Variants in RAI2 observed in about 807,000 individuals in gnomAD.
RAI2 encodes the protein retinoic acid-induced protein 2.
RAI2 carries 5 observed loss-of-function variants against 15.3 expected under a neutral mutation model. The ratio of observed to expected loss-of-function variants is 0.33; its 90% confidence interval spans 0.17 to 0.69. The LOEUF (loss-of-function observed/expected upper bound fraction) is 0.69. Among genes scored for constraint, RAI2 ranks in the 30% least tolerant of loss-of-function variants. RAI2 has a pLI of 0.69. For missense variants in RAI2, 424 were observed against 424.7 expected, an observed-to-expected ratio of 1.00 and a Z score of 0.01; for synonymous variants, 191 against 184.0, an observed-to-expected ratio of 1.04 and a Z score of -0.31.
intron 1 of RAI2, among the ~76,000 whole-genome samples, 185 bp from the exon 2 acceptor site, chrX:17,802,219 G>C (rs917413972): frequency 1.8e-5 from 2 of 112,261 alleles, no homozygotes; most frequent in African/African-American, 6.5e-5. Context: ...ACATGATCCT[G>C]TGTGCGTGGA....
intron 1 of RAI2, among the ~76,000 whole-genome samples, chrX:17,850,401 G>A (rs1008764111): frequency 8.9e-6 from 1 of 112,610 alleles, no homozygotes; most frequent in Non-Finnish European, 1.9e-5. Context: ...AACCGGCAAT[G>A]GCGCTGACAT....
rs527628476 is a variant in RAI2 at position 17,814,934 on chromosome X, CTAA to C, written c.-24-12903_-24-12901del. Among the ~76,000 whole-genome samples, 756 of 106,135 alleles carry C rather than the reference CTAA, an allele frequency of 7.1e-3. 5 individuals carry two copies. The highest frequency in any genetic ancestry group is 0.022 in the African/African-American group (656 of 29,224). 92.2% of individuals were successfully genotyped at this position (106,135 alleles called of 115,157 possible). On this transcript the variant is annotated intron_variant, in intron 1 of 1. Transcript: ENST00000451717. ...CTTCACTTCATCAGCTGCATGCTGC[CTAA>C]TAATAATAATAATAATAATAATAAT...
At chrX:17,804,801 C>T (rs1452486453) in intron 1 of RAI2, among the ~76,000 whole-genome samples, 1 of 112,787 alleles carries the variant, frequency 8.9e-6, no homozygotes, top group Admixed American at 9.3e-5. Context: ...CTGCTCCTTG[C>T]ACACACCTTC....
intron 1 of RAI2, among the ~76,000 whole-genome samples, chrX:17,852,062 G>GCAACC (rs2067542376): frequency 8.9e-6 from 1 of 111,810 alleles, no homozygotes; most frequent in Non-Finnish European, 1.9e-5. Flanking sequence ...CCAGATTTAT[G>GCAACC]ATCCTATTTC....
intron 1 of RAI2, among the ~76,000 whole-genome samples, chrX:17,846,183 T>C (rs1337672320): frequency 1.8e-5 from 2 of 112,357 alleles, no homozygotes; most frequent in Non-Finnish European, 3.8e-5. Flanking sequence ...CAGGTGGAAG[T>C]AAATCTCCAC....
chrX:17,810,672 C>T (rs1438502633), intron 1 of RAI2, among the ~76,000 whole-genome samples: 2 of 110,881 alleles, frequency 1.8e-5, no homozygotes, highest in Non-Finnish European at 3.8e-5. Flanking sequence ...AGTGGGAGCA[C>T]CAAGGAGGAA....
chrX:17,859,665 G>T (rs1316248568), intron 1 of RAI2, among the ~76,000 whole-genome samples: 3 of 112,657 alleles, frequency 2.7e-5, no homozygotes, highest in African/African-American at 9.7e-5. Flanking sequence ...CGCCAGATGA[G>T]GGGGGCCGGC....
At chrX:17,830,839 A>G (rs769200964) in intron 1 of RAI2, among the ~76,000 whole-genome samples, 139 of 112,200 alleles carry the variant, frequency 1.2e-3, no homozygotes, top group Admixed American at 2.2e-3. Context: ...AGAACAGGTA[A>G]GTTGGGCATT....
chrX:17,803,514 G>A lies in RAI2; in HGVS notation c.-24-1480C>T, dbSNP rs759282154. Among the ~76,000 whole-genome samples the A allele has an allele frequency of 2.1e-3, 235 of 110,095 alleles. 2 individuals are homozygous for A. Among genetic ancestry groups the A allele is most frequent in the African/African-American group, 6.8e-3 (204 of 30,176 alleles). On this transcript the variant is annotated intron_variant, in intron 1 of 1. Coordinates refer to ENST00000451717, the MANE Select transcript of RAI2 (RefSeq NM_021785.6). ...TCACTGCACTCCAGCCTGGGTGACA[G>A]AGTGAGACTCCTTTAAAAAAAAAAG...
chrX:17,820,814 A>G (rs2067156366), intron 1 of RAI2, among the ~76,000 whole-genome samples: 1 of 111,363 alleles, frequency 9.0e-6, no homozygotes, highest in African/African-American at 3.3e-5. Flanking sequence ...TTGGGCTCCA[A>G]GGGTCTTTGC....
chrX:17,810,382 G>A (rs189233331), intron 1 of RAI2, among the ~76,000 whole-genome samples: 3 of 112,458 alleles, frequency 2.7e-5, no homozygotes, highest in Admixed American at 1.9e-4. Flanking sequence ...TGACAGGTGA[G>A]GAGCTTGCTC....
chrX:17,827,502 C>T (rs898252812), intron 1 of RAI2, among the ~76,000 whole-genome samples: 2 of 112,250 alleles, frequency 1.8e-5, no homozygotes, highest in African/African-American at 6.5e-5. Flanking sequence ...AATATTCAAG[C>T]CTCACAAACA....
Position 17,800,681 on chromosome X carries a change from C to T in RAI2, c.1330G>A (p.Glu444Lys), listed in dbSNP as rs766301720. ...SQAAKVIVSV[E>K]DAVPTIFCGK... Reference sequence around the variant, plus strand: ...CAGAATATGGTAGGCACAGCATCTTCGACAGAGACAATGACCTTGGCCGCC... The same window carrying T: ...CAGAATATGGTAGGCACAGCATCTTTGACAGAGACAATGACCTTGGCCGCC... Residue 444 changes from glutamate (E) to lysine (K), a missense_variant, in exon 2 of 2, where the codon GAA becomes AAA. Glu to Lys is a moderately conservative substitution (Grantham distance 56). Transcript: ENST00000451717. 29 of 1,209,492 alleles carry T rather than the reference C, an allele frequency of 2.4e-5. No individual in the cohort carries two copies. The highest frequency in any genetic ancestry group is 4.4e-5 in the Admixed American group (2 of 45,698).
intron 1 of RAI2, among the ~76,000 whole-genome samples, chrX:17,849,703 C>T (rs2067504756): frequency 8.9e-6 from 1 of 112,212 alleles, no homozygotes; most frequent in Non-Finnish European, 1.9e-5. Flanking sequence ...TTGAGTTGTA[C>T]GTTCCAAAGC....
At chrX:17,820,117 G>A (rs969824046) in intron 1 of RAI2, among the ~76,000 whole-genome samples, 1 of 111,944 alleles carries the variant, frequency 8.9e-6, no homozygotes, top group East Asian at 2.8e-4. Context: ...TAGCTGGTGA[G>A]GACACTTCTC....
chrX:17,824,611 C>A (rs184073851), intron 1 of RAI2, among the ~76,000 whole-genome samples: 127 of 111,479 alleles, frequency 1.1e-3, no homozygotes, highest in African/African-American at 3.8e-3. Context: ...GCAGAGCAGC[C>A]CCCCTAGGAT....
At chrX:17,854,472 A>G (rs759377685) in intron 1 of RAI2, among the ~76,000 whole-genome samples, 11 of 112,249 alleles carry the variant, frequency 9.8e-5, no homozygotes, top group Non-Finnish European at 2.1e-4. Context: ...TTGATCAGGA[A>G]AAACCTATGT....
intron 1 of RAI2, among the ~76,000 whole-genome samples, chrX:17,854,969 G>A (rs1008013789): frequency 4.5e-5 from 5 of 111,292 alleles, no homozygotes; most frequent in African/African-American, 9.8e-5. Flanking sequence ...ATCCCTTTCC[G>A]TCTATTTATG....
intron 1 of RAI2, among the ~76,000 whole-genome samples, chrX:17,827,246 A>T (rs2067237188): frequency 9.0e-6 from 1 of 111,497 alleles, no homozygotes; most frequent in Admixed American, 9.5e-5. Context: ...AAACTCTGTG[A>T]TCCCCTTGCA....
Sources: gnomAD v4.1 joint callset for allele counts (sites outside exome capture counted in the v4.1 genomes callset) on GRCh38, gnomAD v4.1.1 for gene constraint, MANE v1.5 for transcripts, NCBI Gene and HGNC (gene_info 2026-07-23, HGNC 2026-07-21) for gene names.